The following OPRM1 variants were observed in gnomAD, a reference collection of about 807,000 sequenced individuals.
The protein encoded by OPRM1 is mu-type opioid receptor.
In OPRM1, 27 loss-of-function variants were observed where a neutral mutation model predicts 31.8. The observed-to-expected ratio is 0.85, with a 90% CI of 0.63 to 1.17. The LOEUF (loss-of-function observed/expected upper bound fraction) is 1.17. Ranked by LOEUF, OPRM1 falls within the 50% of genes most tolerant of loss-of-function variation. The pLI, the probability that OPRM1 is intolerant of heterozygous loss-of-function variation, is 0.00. For synonymous variants in OPRM1, 196 were observed against 189.9 expected (o/e 1.03, Z -0.26); for missense variants, 536 against 511.1 (o/e 1.05, Z -0.47).
chr6:154,137,607 TAC>T (rs1798090414), intron 3 of OPRM1, among the ~76,000 whole-genome samples: 1 of 152,244 alleles, frequency 6.6e-6, no homozygotes, highest in Admixed American at 6.5e-5. Flanking sequence ...TGGTGATATT[TAC>T]AGTCTTATTC....
At chr6:154,099,541 A>G (rs1794127743) in intron 3 of OPRM1, among the ~76,000 whole-genome samples, 1 of 150,966 alleles carries the variant, frequency 6.6e-6, no homozygotes, top group Non-Finnish European at 1.5e-5. Context: ...AAAGAGAGAG[A>G]GGGAGAGAGG....
intron 1 of OPRM1, among the ~76,000 whole-genome samples, chr6:154,075,938 A>G (rs966485349): frequency 6.6e-6 from 1 of 152,204 alleles, no homozygotes; most frequent in Non-Finnish European, 1.5e-5. Flanking sequence ...TGCCTACCCC[A>G]TCAACTTTAT....
chr6:154,130,948 A>T lies in OPRM1; in HGVS notation c.*12227A>T, dbSNP rs562728940. On this transcript the variant is annotated 3_prime_UTR_variant, in exon 4 of 4. Coordinates refer to ENST00000330432, the MANE Select transcript of OPRM1 (RefSeq NM_000914.5). ...GTGATCTTGTTGTTTTCATTTTATT[A>T]TGTTATATGAAAAAAAGAAACCTTG... Among the ~76,000 whole-genome samples the T allele has an allele frequency of 1.3e-5, 2 of 152,122 alleles. No homozygotes were observed. The highest frequency in any genetic ancestry group is 4.8e-5 in the African/African-American group (2 of 41,540).
chr6:154,026,807 A>C (rs1208799085), intron 1 of OPRM1, among the ~76,000 whole-genome samples: 2 of 151,902 alleles, frequency 1.3e-5, no homozygotes, highest in Admixed American at 1.3e-4. Context: ...ATTTTTAATT[A>C]TTTTAATCTC....
chr6:154,202,244 G>A (rs151304372), intron 3 of OPRM1, among the ~76,000 whole-genome samples: 3 of 152,000 alleles, frequency 2.0e-5, no homozygotes, highest in East Asian at 1.9e-4. Flanking sequence ...ATACTGGCAC[G>A]TACATAAAAA....
At position 154,140,550 on chromosome 6, in the gene OPRM1, AAATT is replaced by A. The variant is rs1583649758; in HGVS notation, c.1164+49079_1164+49082del. The stretch of plus-strand genomic sequence containing the variant: ...TCGCCATGTTGGCCAGGCTGGTCTC[AAATT>A]CCTGACTTCAGGTGATCCGCCCGCC... On this transcript the variant is annotated intron_variant, in intron 3 of 3. Transcript: ENST00000337049. Among the ~76,000 whole-genome samples the A allele has an allele frequency of 5.3e-5, 8 of 152,192 alleles. No individual in the cohort carries two copies. The East Asian group carries it at 1.5e-3, about 29-fold the overall frequency.
At chr6:154,134,980 A>ATCTATGGGTTTCCCAGAGCCAGTC (rs2128535821), downstream of OPRM1, among the ~76,000 whole-genome samples, 1 of 152,298 alleles carries the variant, frequency 6.6e-6, no homozygotes, top group Non-Finnish European at 1.5e-5. Flanking sequence ...CCCACCCATC[A>ATCTATGGGTTTCCCAGAGCCAGTC]TCTATGGGTT....
chr6:154,186,848 G>T (rs1037110176), intron 3 of OPRM1, among the ~76,000 whole-genome samples: 1 of 151,988 alleles, frequency 6.6e-6, no homozygotes, highest in Non-Finnish European at 1.5e-5. Context: ...GAGCCACCAC[G>T]CCCGGCCCAG....
chr6:154,068,300 A>G (rs1418303926), intron 1 of OPRM1, among the ~76,000 whole-genome samples: 2 of 152,176 alleles, frequency 1.3e-5, no homozygotes, highest in East Asian at 1.9e-4. Context: ...ATGTTGTACA[A>G]TAGATCTCTT....
rs146094210 is a variant in OPRM1, at chr6:154,113,523, G to T, written c.1165-5160G>T. Among the ~76,000 whole-genome samples the T allele has an allele frequency of 2.8e-3, 428 of 152,256 alleles. 2 individuals carry two copies. The highest frequency in any genetic ancestry group is 9.8e-3 in the African/African-American group (405 of 41,520). On this transcript the variant is annotated intron_variant, in intron 3 of 3. Coordinates refer to ENST00000330432, the MANE Select transcript of OPRM1 (RefSeq NM_000914.5). ...GGTTTGGTTAAGCTCTATGGGCAGG[G>T]TCGCCAAGTACTTGTCACCTGGACA... is the stretch of plus-strand genomic sequence containing the variant.
intron 1 of OPRM1, among the ~76,000 whole-genome samples, chr6:154,027,178 C>T (rs866965375): frequency 6.6e-6 from 1 of 152,202 alleles, no homozygotes; most frequent in Non-Finnish European, 1.5e-5. Flanking sequence ...GCACCTCAAC[C>T]CCAGTAATGC....
intron 3 of OPRM1, chr6:154,156,115 C>T (rs951852468): frequency 2.0e-5 from 3 of 152,178 alleles, no homozygotes; most frequent in Non-Finnish European, 4.4e-5. Flanking sequence ...CACACAGCAC[C>T]TCCCAAGTAG....
chr6:154,049,022 A>G (rs550360726), intron 1 of OPRM1, among the ~76,000 whole-genome samples: 2 of 152,322 alleles, frequency 1.3e-5, no homozygotes, highest in South Asian at 2.1e-4. Context: ...TGAGCCTCTG[A>G]TTATAAAATT....
chr6:154,035,143 G>C (rs938529381), upstream of OPRM1, among the ~76,000 whole-genome samples: 1 of 152,042 alleles, frequency 6.6e-6, no homozygotes, highest in Non-Finnish European at 1.5e-5. Flanking sequence ...CCAAATATCA[G>C]GAAGTATAAG....
intron 3 of OPRM1, among the ~76,000 whole-genome samples, chr6:154,176,100 A>C (rs1370240738): frequency 6.6e-6 from 1 of 152,218 alleles, no homozygotes; most frequent in East Asian, 1.9e-4. Flanking sequence ...GATGCAGAAA[A>C]GGCCTTCAAC....
chr6:154,156,134 A>G (rs1798704371), intron 3 of OPRM1: 1 of 152,286 alleles, frequency 6.6e-6, no homozygotes, highest in Non-Finnish European at 1.5e-5. Context: ...AGTCTAATGT[A>G]CAGAAAGAAA....
chr6:154,218,287 A>G (rs772680687), intron 3 of OPRM1, among the ~76,000 whole-genome samples: 34 of 152,258 alleles, frequency 2.2e-4, no homozygotes, highest in Non-Finnish European at 4.4e-4. Flanking sequence ...TTCTTCCCAC[A>G]GTGTCTGAGA....
chr6:154,133,896 A>G (rs1583643421), downstream of OPRM1, among the ~76,000 whole-genome samples: 1 of 152,260 alleles, frequency 6.6e-6, no homozygotes, highest in East Asian at 1.9e-4. Context: ...ATTTCCACAG[A>G]AAAGGCCAAA....
rs574926036 is a variant in OPRM1, at chr6:154,179,149, G to T, written c.1165-67544G>T. ...TCCAGTGGAAGCAGGTGATAAGTAGGATCACAGGACAAAAACAGACCCAAA... is the reference window on the plus strand; with the variant it reads ...TCCAGTGGAAGCAGGTGATAAGTAGTATCACAGGACAAAAACAGACCCAAA... On this transcript the variant is annotated intron_variant, in intron 3 of 3. Transcript: ENST00000337049. 5.8e-3 allele frequency among the ~76,000 whole-genome samples: 884 copies of T among 152,206 alleles called. 11 individuals are homozygous for T. The highest frequency in any genetic ancestry group is 0.021 in the African/African-American group (857 of 41,514).
Sources: allele counts gnomAD v4.1 joint callset (sites outside exome capture counted in the v4.1 genomes callset), GRCh38; gene constraint gnomAD v4.1.1; transcripts MANE v1.5; gene names NCBI Gene and HGNC (gene_info 2026-07-23, HGNC 2026-07-21).